Variants in COL22A1 observed in about 807,000 individuals in gnomAD.
COL22A1 encodes the protein collagen alpha-1(XXII) chain.
A neutral mutation model predicts 248.9 loss-of-function variants in COL22A1; 221 were observed. That is an observed-to-expected ratio of 0.89 (90% confidence interval 0.80 to 0.99). COL22A1 has a LOEUF of 0.99. Ranked by LOEUF, COL22A1 falls within the 50% of genes least tolerant of loss-of-function variation. The pLI, the probability that COL22A1 is intolerant of heterozygous loss-of-function variation, is 0.00. For missense variants in COL22A1, 2,240 were observed against 2,179.0 expected (o/e 1.03, Z -0.56); for synonymous variants, 891 against 793.4 (o/e 1.12, Z -2.07).
intron 23 of COL22A1, among the ~76,000 whole-genome samples, chr8:138,726,467 G>C (rs1830317784): frequency 6.9e-6 from 1 of 145,966 alleles, no homozygotes; most frequent in Admixed American, 6.9e-5. Context: ...ATTGTACTCT[G>C]GCCTGGGTGC....
chr8:138,725,455 C>T lies in COL22A1; in HGVS notation c.2140-15G>A, dbSNP rs375206409. 2 of 1,611,552 alleles carry T rather than the reference C, an allele frequency of 1.2e-6. No individual in the cohort carries two copies. The highest frequency in any genetic ancestry group is 2.7e-5 in the African/African-American group (2 of 74,686). On this transcript the variant is annotated splice_polypyrimidine_tract_variant and intron_variant, in intron 23 of 64. Coordinates refer to ENST00000303045, the MANE Select transcript of COL22A1 (RefSeq NM_152888.3). ...CCTGGAGGGCCCTGTAGAGAAAGAGCATTTGGTGGGCTACAGATGGGTCCT... is the reference window on the plus strand; with the variant it reads ...CCTGGAGGGCCCTGTAGAGAAAGAGTATTTGGTGGGCTACAGATGGGTCCT...
At position 138,719,631 on chromosome 8, in the gene COL22A1, G is replaced by A. The variant is rs73443076; in HGVS notation, c.2355+1108C>T. 5.3e-3 allele frequency among the ~76,000 whole-genome samples: 813 copies of A among 152,302 alleles called. 6 individuals carry two copies. The highest frequency in any genetic ancestry group is 0.019 in the African/African-American group (779 of 41,572). ...GAAACAATAGGGAACATAAGGGCCC[G>A]GGATGTGCCCACCAGCACCTTCCCT... On this transcript the variant is annotated intron_variant, in intron 27 of 64. Coordinates refer to ENST00000303045, the MANE Select transcript of COL22A1 (RefSeq NM_152888.3).
intron 22 of COL22A1, among the ~76,000 whole-genome samples, chr8:138,738,206 CT>C (rs988265628): frequency 1.3e-5 from 2 of 152,134 alleles, no homozygotes; most frequent in African/African-American, 4.8e-5. Flanking sequence ...AGGTAGGTTA[CT>C]TAGGGCGTTT....
chr8:138,802,933 C>T lies in COL22A1; in HGVS notation c.1496G>A (p.Gly499Glu). The change falls in exon 11 of 65, where the codon GGA becomes GAA. Residue 499 changes from glycine to glutamate, a missense_variant and splice_region_variant. Transcript: ENST00000303045. ...AACCGGCCCAATGGCTCCTATGTCT[C>T]CCTGAGGGGTTGAGACCAGAGACAA... Reference protein sequence around the residue: ...AGPMGLPGPKGDIGAIGPVGA... With the variant: ...AGPMGLPGPKEDIGAIGPVGA... 3 of 1,613,326 alleles carry T rather than the reference C, an allele frequency of 1.9e-6. No individual in the cohort carries two copies. Among genetic ancestry groups the T allele is most frequent in the Non-Finnish European group, 2.5e-6 (3 of 1,179,254 alleles).
chr8:138,847,332 C>G (rs1472393005), intron 3 of COL22A1, among the ~76,000 whole-genome samples: 1 of 152,176 alleles, frequency 6.6e-6, no homozygotes, highest in Admixed American at 6.5e-5. Flanking sequence ...TTTGATGAGC[C>G]ACTGAGAGTA....
chr8:138,602,904 G>A (rs1260107076), intron 59 of COL22A1, among the ~76,000 whole-genome samples: 1 of 152,194 alleles, frequency 6.6e-6, no homozygotes, highest in Non-Finnish European at 1.5e-5. Flanking sequence ...CCTGCCAGCT[G>A]ACACCTAACT....
chr8:138,845,016 A>G (rs1306936003), intron 3 of COL22A1, among the ~76,000 whole-genome samples: 1 of 152,108 alleles, frequency 6.6e-6, no homozygotes, highest in Admixed American at 6.5e-5. Context: ...TAGGATGTCA[A>G]TGAAATGGAA....
rs139189683 is a variant in COL22A1 at position 138,596,948 on chromosome 8, G to T, written c.4388C>A (p.Thr1463Asn). The part of the protein sequence containing the change: ...GLRGESPSME[T>N]LRRLIQEELG... ...CTCTTCTTGAATAAGCCGACGCAGG[G>T]TTTCCATGGATGGAGACTCCCCCTA... The change falls in exon 62 of 65, where the codon ACC (threonine) becomes AAC (asparagine). Residue 1463 changes from threonine to asparagine, a missense_variant. Coordinates refer to ENST00000303045, the MANE Select transcript of COL22A1 (RefSeq NM_152888.3). 2 of 1,614,040 alleles carry T rather than the reference G, an allele frequency of 1.2e-6. No individual in the cohort carries two copies. Among genetic ancestry groups the T allele is most frequent in the South Asian group, 2.2e-5 (2 of 91,064 alleles).
At chr8:138,872,839 G>T (rs955775105) in intron 3 of COL22A1, among the ~76,000 whole-genome samples, 3 of 152,206 alleles carry the variant, frequency 2.0e-5, no homozygotes, top group Non-Finnish European at 4.4e-5. Context: ...CAGATATGAT[G>T]CCTGAAATGC....
intron 11 of COL22A1, among the ~76,000 whole-genome samples, chr8:138,801,550 G>A (rs1381170092): frequency 6.6e-6 from 1 of 152,124 alleles, no homozygotes; most frequent in Middle Eastern, 3.2e-3. Context: ...GTCATTCACT[G>A]ATCACCCACT....
chr8:138,589,206 T>C lies in COL22A1; in HGVS notation c.*47A>G, dbSNP rs1292346948. On this transcript the variant is annotated 3_prime_UTR_variant, in exon 65 of 65. Transcript: ENST00000303045. ...CTCTGGCTTCCCACTGGGCTCTGAG[T>C]TCAAGTTTCAGAAATCCACTGCAGT... 2 of 1,588,660 alleles carry C rather than the reference T, an allele frequency of 1.3e-6. No homozygotes were observed. The highest frequency in any genetic ancestry group is 1.7e-5 in the Admixed American group (1 of 58,150).
At chr8:138,878,424 T>G in intron 2 of COL22A1, 108 bp from the exon 3 acceptor site, 3 of 964,518 alleles carry the variant, frequency 3.1e-6, no homozygotes, top group Non-Finnish European at 3.0e-6. Context: ...AATACCTACC[T>G]GCCCTGTCTC....
intron 9 of COL22A1, 127 bp from the exon 10 acceptor site, chr8:138,807,939 G>A: frequency 1.1e-6 from 1 of 873,078 alleles, no homozygotes; most frequent in Non-Finnish European, 1.8e-6. Flanking sequence ...GCCGACCAAT[G>A]AGTTGGGCAA....
intron 3 of COL22A1, among the ~76,000 whole-genome samples, chr8:138,860,925 G>A (rs368568727): frequency 1.1e-4 from 16 of 152,264 alleles, no homozygotes; most frequent in Admixed American, 8.5e-4. Context: ...TTTTCCATCC[G>A]TATGTTCTTT....
rs1491327111 is a variant in COL22A1, at chr8:138,663,015, C to CACACACACACACACACACACACA, written c.3186+689_3186+690insTGTGTGTGTGTGTGTGTGTGTGT. ...TGGTTGACAGAGCAGGACTCTGTCA[C>CACACACACACACACACACACACA]TCACACACACACACACACACAAAGC... On this transcript the variant is annotated intron_variant, in intron 42 of 64. Coordinates refer to ENST00000303045, the MANE Select transcript of COL22A1 (RefSeq NM_152888.3). Among the ~76,000 whole-genome samples the CACACACACACACACACACACACA allele has an allele frequency of 2.0e-5, 3 of 150,280 alleles. No individual in the cohort carries two copies. The East Asian group carries it at 5.9e-4, about 29-fold the overall frequency.
chr8:138,822,377 AT>A (rs755180334), intron 6 of COL22A1, among the ~76,000 whole-genome samples: 60 of 152,278 alleles, frequency 3.9e-4, no homozygotes, highest in South Asian at 2.1e-4. Flanking sequence ...TGAATAAATG[AT>A]TATGTTCTCA....
rs1458450105 is a variant in COL22A1, at chr8:138,594,070, C to G, written c.4562G>C (p.Gly1521Ala). ...PGRAGPMGEP[G>A]RPGQGGLEGP... ...TTCCAGACCCCCCTGCCCAGGACGA[C>G]CTGGCTCCCCCATGGGGCCGGCCCG... Residue 1521 changes from glycine to alanine, a missense_variant, in exon 63 of 65, where the codon GGT becomes GCT. Coordinates refer to ENST00000303045, the MANE Select transcript of COL22A1 (RefSeq NM_152888.3). 6.3e-7 allele frequency: 1 copy of G among 1,590,334 alleles called. No individual in the cohort carries two copies. The highest frequency in any genetic ancestry group is 2.3e-5 in the East Asian group (1 of 43,146).
intron 45 of COL22A1, among the ~76,000 whole-genome samples, chr8:138,650,034 T>C (rs532392534): frequency 3.2e-4 from 49 of 152,334 alleles, no homozygotes; most frequent in African/African-American, 1.1e-3. Flanking sequence ...TTTCCCCCTA[T>C]TTCCACCCAG....
Position 138,878,017 on chromosome 8 carries a change from G to T in COL22A1, c.391C>A (p.Pro131Thr). Reference protein sequence around the residue: ...LRYITARSFSPHAGGRPRDRA... With the variant: ...LRYITARSFSTHAGGRPRDRA... ...TCCCTGGGGCGGCCGCCGGCGTGTG[G>T]GGAGAAGCTGCGGGCCGTGATGTAG... The change falls in exon 3 of 65, where the codon CCA becomes ACA. Residue 131 changes from proline to threonine, a missense_variant. Physicochemically the swap from Pro to Thr is conservative, Grantham distance 38 (BLOSUM62 -1). Transcript: ENST00000303045. 1 of 1,589,056 alleles carries T rather than the reference G, an allele frequency of 6.3e-7. No homozygotes were observed. The highest frequency in any genetic ancestry group is 1.3e-5 in the African/African-American group (1 of 74,644).
Sources: allele counts gnomAD v4.1 joint callset (sites outside exome capture counted in the v4.1 genomes callset), GRCh38; gene constraint gnomAD v4.1.1; transcripts MANE v1.5; gene names NCBI Gene and HGNC (gene_info 2026-07-23, HGNC 2026-07-21).